Variants in GRIA4 observed in about 807,000 individuals in gnomAD.
GRIA4 encodes glutamate receptor 4.
GRIA4 carries 34 observed loss-of-function variants against 104.0 expected under a neutral mutation model. The observed-to-expected ratio is 0.33, with a 90% CI of 0.25 to 0.44. GRIA4 has a LOEUF of 0.44. Ranked by LOEUF, GRIA4 falls within the 20% of genes least tolerant of loss-of-function variation. The pLI is 1.00. For synonymous variants in GRIA4, 386 were observed against 381.9 expected (o/e 1.01, Z -0.13); for missense variants, 750 against 1,096.5 (o/e 0.68, Z 4.46).
intron 6 of GRIA4, among the ~76,000 whole-genome samples, chr11:105,889,142 A>T (rs1275906585): frequency 6.6e-6 from 1 of 152,172 alleles, no homozygotes; most frequent in Non-Finnish European, 1.5e-5. Flanking sequence ...TCATTCCAGA[A>T]ATGAGTTGCT....
chr11:105,790,770 TC>T (rs976231704), intron 4 of GRIA4, among the ~76,000 whole-genome samples: 10 of 152,178 alleles, frequency 6.6e-5, no homozygotes, highest in African/African-American at 2.2e-4. Context: ...TCAGAAAAGT[TC>T]TTTGAGATCC....
At chr11:105,916,665 C>G (rs1357484771) in intron 10 of GRIA4, among the ~76,000 whole-genome samples, 3 of 152,094 alleles carry the variant, frequency 2.0e-5, no homozygotes, top group African/African-American at 7.2e-5. Flanking sequence ...GGGCATTTAG[C>G]AAATTAGATT....
intron 16 of GRIA4, among the ~76,000 whole-genome samples, chr11:105,975,411 A>G (rs1858928382): frequency 6.6e-6 from 1 of 151,912 alleles, no homozygotes; most frequent in African/African-American, 2.4e-5. Context: ...ACTTACTCAC[A>G]TCCTCTCATC....
chr11:105,821,549 C>T (rs1038725538), intron 4 of GRIA4, among the ~76,000 whole-genome samples: 3 of 151,236 alleles, frequency 2.0e-5, no homozygotes, highest in Admixed American at 6.6e-5. Context: ...AGAGAGAGGG[C>T]GGGGGAGGAA....
At chr11:105,675,438 T>C (rs1012363407) in intron 3 of GRIA4, among the ~76,000 whole-genome samples, 1 of 151,846 alleles carries the variant, frequency 6.6e-6, no homozygotes, top group Non-Finnish European at 1.5e-5. Context: ...TCTTTGCCAG[T>C]AAATTTAATA....
At chr11:105,755,432 T>G (rs916920671) in intron 4 of GRIA4, among the ~76,000 whole-genome samples, 1 of 152,168 alleles carries the variant, frequency 6.6e-6, no homozygotes, top group Non-Finnish European at 1.5e-5. Context: ...CATTTTCTTA[T>G]TGCATTGGAA....
At position 105,783,722 on chromosome 11, in the gene GRIA4, TA is replaced by T. The variant is rs139511022; in HGVS notation, c.487+30506del. Reference sequence around the variant, plus strand: ...TGACAGACCTTGAAATAAAAAGAGATAAAACAGATTCTGGATGTTATTTGTG... The same window carrying T: ...TGACAGACCTTGAAATAAAAAGAGATAAACAGATTCTGGATGTTATTTGTG... On this transcript the variant is annotated intron_variant, in intron 4 of 16. Coordinates refer to ENST00000282499, the MANE Select transcript of GRIA4 (RefSeq NM_000829.4). 3.9e-3 allele frequency among the ~76,000 whole-genome samples: 584 copies of T among 150,822 alleles called. 6 individuals are homozygous for T. The highest frequency in any genetic ancestry group is 0.013 in the African/African-American group (537 of 40,972).
At chr11:105,650,912 G>C (rs774343166) in intron 3 of GRIA4, among the ~76,000 whole-genome samples, 2 of 152,162 alleles carry the variant, frequency 1.3e-5, no homozygotes, top group Non-Finnish European at 2.9e-5. Context: ...CCCTCTTCTA[G>C]CAAGATTATA....
intron 4 of GRIA4, among the ~76,000 whole-genome samples, chr11:105,861,381 G>C (rs1257580784): frequency 1.3e-5 from 2 of 151,964 alleles, no homozygotes; most frequent in African/African-American, 4.8e-5. Context: ...TTGTTTATTT[G>C]GTCATCAGTC....
At chr11:105,620,789 C>T (rs1324202914) in intron 3 of GRIA4, among the ~76,000 whole-genome samples, 1 of 151,768 alleles carries the variant, frequency 6.6e-6, no homozygotes, top group Non-Finnish European at 1.5e-5. Flanking sequence ...GTTGGCCAGT[C>T]TACATATTTT....
At chr11:105,877,900 CCTA>C (rs1299509538) in intron 5 of GRIA4, among the ~76,000 whole-genome samples, 1 of 152,142 alleles carries the variant, frequency 6.6e-6, no homozygotes, top group South Asian at 2.1e-4. Context: ...CCTTCTGAAG[CCTA>C]CTTCTGTCAA....
At chr11:105,631,221 A>G (rs1951026864) in intron 3 of GRIA4, among the ~76,000 whole-genome samples, 1 of 152,114 alleles carries the variant, frequency 6.6e-6, no homozygotes, top group South Asian at 2.1e-4. Context: ...AAAAGCTGTG[A>G]TTATATTGGG....
At chr11:105,783,559 T>C (rs891968733) in intron 4 of GRIA4, among the ~76,000 whole-genome samples, 2 of 152,220 alleles carry the variant, frequency 1.3e-5, no homozygotes, top group African/African-American at 4.8e-5. Flanking sequence ...CCAGAACAGC[T>C]GCTCATCAGA....
intron 4 of GRIA4, among the ~76,000 whole-genome samples, chr11:105,855,490 T>C (rs1217654923): frequency 1.3e-5 from 2 of 152,036 alleles, no homozygotes; most frequent in Non-Finnish European, 2.9e-5. Context: ...GTGTGATATA[T>C]AAAATATATA....
chr11:105,790,452 A>G (rs1458955902), intron 4 of GRIA4, among the ~76,000 whole-genome samples: 1 of 152,148 alleles, frequency 6.6e-6, no homozygotes, highest in Non-Finnish European at 1.5e-5. Flanking sequence ...CAGGTGATCT[A>G]TGAGCTTAGT....
chr11:105,791,332 A>G (rs914554572), intron 4 of GRIA4, among the ~76,000 whole-genome samples: 3 of 152,104 alleles, frequency 2.0e-5, no homozygotes, highest in Non-Finnish European at 2.9e-5. Context: ...ATCAATACTA[A>G]TATGTCCAAA....
At chr11:105,813,850 A>G (rs1311589302) in intron 4 of GRIA4, among the ~76,000 whole-genome samples, 1 of 152,170 alleles carries the variant, frequency 6.6e-6, no homozygotes, top group Non-Finnish European at 1.5e-5. Context: ...CATGAAAAAA[A>G]TAAATAAGAG....
intron 9 of GRIA4, among the ~76,000 whole-genome samples, chr11:105,906,668 G>A (rs1947051569): frequency 6.6e-6 from 1 of 152,188 alleles, no homozygotes; most frequent in Non-Finnish European, 1.5e-5. Context: ...TACGTGGTAA[G>A]CTGGAGCCTA....
chr11:105,690,214 T>A (rs1474896147), intron 3 of GRIA4, among the ~76,000 whole-genome samples: 1 of 152,174 alleles, frequency 6.6e-6, no homozygotes, highest in East Asian at 1.9e-4. Context: ...AAGGGAGAAT[T>A]CCTTGATTTC....
Sources: gnomAD v4.1 joint callset for allele counts (sites outside exome capture counted in the v4.1 genomes callset) on GRCh38, gnomAD v4.1.1 for gene constraint, MANE v1.5 for transcripts, NCBI Gene and HGNC (gene_info 2026-07-23, HGNC 2026-07-21) for gene names.